Variants in YARS1 observed in about 807,000 individuals in gnomAD.
YARS1 encodes tyrosyl-tRNA synthetase 1, also known as tyrosine--tRNA ligase, cytoplasmic.
In YARS1, 36 loss-of-function variants were observed where a neutral mutation model predicts 62.2. That is an observed-to-expected ratio of 0.58 (90% CI 0.44 to 0.76). The LOEUF (loss-of-function observed/expected upper bound fraction) is 0.76. Ranked by LOEUF, YARS1 falls within the 30% of genes least tolerant of loss-of-function variation. YARS1 has a pLI of 0.00. For missense variants in YARS1, 524 were observed against 639.8 expected, an observed-to-expected ratio of 0.82 and a Z score of 1.95; for synonymous variants, 234 against 244.9, an observed-to-expected ratio of 0.96 and a Z score of 0.42.
chr1:32,787,656 C>T (rs1034288913), intron 6 of YARS1, among the ~76,000 whole-genome samples: 2 of 151,016 alleles, frequency 1.3e-5, no homozygotes, highest in Non-Finnish European at 3.0e-5. Flanking sequence ...ATTACAGGTG[C>T]CTGTCACCAC....
chr1:32,776,006 G>A lies in YARS1; in HGVS notation c.1562C>T (p.Ser521Leu), dbSNP rs1351951649. 2.5e-6 allele frequency: 4 copies of A among 1,614,120 alleles called. No individual in the cohort carries two copies. Among genetic ancestry groups the A allele is most frequent in the East Asian group, 4.5e-5 (2 of 44,882 alleles). Residue 521 changes from serine to leucine, a missense_variant, in exon 13 of 13, where the codon TCG (serine) becomes TTG (leucine). Ser to Leu is a moderately radical substitution (Grantham distance 145). Transcript: ENST00000373477. The surrounding 1 kb of genome is among the most constrained non-coding windows in gnomAD (Gnocchi z 4.0). ...MTKLGSISCK[S>L]LKGGNIS Reference sequence around the variant, plus strand: ...CTAGCTAATGTTCCCCCCTTTCAGCGATTTACAGGAAATGGAGCCCAGCTT... The same window carrying A: ...CTAGCTAATGTTCCCCCCTTTCAGCAATTTACAGGAAATGGAGCCCAGCTT...
At position 32,775,961 on chromosome 1, in the gene YARS1, G is replaced by T. The variant is rs781560790; in HGVS notation, c.*20C>A. The T allele has an allele frequency of 9.4e-6, 15 of 1,591,814 alleles. No homozygotes were observed. Among genetic ancestry groups the T allele is most frequent in the African/African-American group, 8.1e-5 (6 of 74,390 alleles). Reference sequence around the variant, plus strand: ...GCAGATGACTCAGTGGTGGAAGAAGGGGGGAAGATGCTGGGCTGGCTAGCT... The same window carrying T: ...GCAGATGACTCAGTGGTGGAAGAAGTGGGGAAGATGCTGGGCTGGCTAGCT... On this transcript the variant is annotated 3_prime_UTR_variant, in exon 13 of 13. Transcript: ENST00000373477.
intron 6 of YARS1, among the ~76,000 whole-genome samples, chr1:32,788,980 A>C (rs534287688): frequency 6.6e-6 from 1 of 152,170 alleles, no homozygotes; most frequent in Non-Finnish European, 1.5e-5. Flanking sequence ...GCATGCCACC[A>C]TGCCTAGCTA....
intron 1 of YARS1, 131 bp downstream of exon 1, chr1:32,817,057 C>G: frequency 8.5e-7 from 1 of 1,179,190 alleles, no homozygotes; most frequent in Non-Finnish European, 1.3e-6. Flanking sequence ...GTGAGATCTA[C>G]AGGCTCTCTC....
chr1:32,816,035 G>C (rs1638716472), intron 1 of YARS1, among the ~76,000 whole-genome samples: 1 of 151,590 alleles, frequency 6.6e-6, no homozygotes, highest in African/African-American at 2.4e-5. Context: ...CGTGAACCTG[G>C]GAGGCGGAGG....
chr1:32,789,278 T>C (rs1653336658), intron 6 of YARS1, among the ~76,000 whole-genome samples: 1 of 152,252 alleles, frequency 6.6e-6, no homozygotes, highest in Non-Finnish European at 1.5e-5. Context: ...TCTAGAATCA[T>C]TTCCTTAAGA....
chr1:32,785,114 C>G (rs1044975875), intron 8 of YARS1, among the ~76,000 whole-genome samples: 4 of 152,146 alleles, frequency 2.6e-5, no homozygotes, highest in Non-Finnish European at 5.9e-5. Context: ...ATCTGGGAAC[C>G]ACCTGAATCC....
At chr1:32,808,622 G>A (rs531910587) in intron 3 of YARS1, among the ~76,000 whole-genome samples, 1 of 152,286 alleles carries the variant, frequency 6.6e-6, no homozygotes, top group East Asian at 1.9e-4. Flanking sequence ...CCATGCCTGT[G>A]TTCTTCACAG....
In YARS1 at chr1:32,785,890, CTTT is replaced by C. The variant is rs11344284; in HGVS notation, c.906+469_906+471del. 8.9e-5 allele frequency among the ~76,000 whole-genome samples: 13 copies of C among 146,480 alleles called. 1 individual carries two copies. The Middle Eastern group carries it at 0.031, about 347-fold the overall frequency. On this transcript the variant is annotated intron_variant, in intron 8 of 12. Coordinates refer to ENST00000373477, the MANE Select transcript of YARS1 (RefSeq NM_003680.4). ...TGAGCTGCTGCACCCAGCCCATTTT[CTTT>C]TTTTTTTTTTTTTTTAGTATCTCAT...
intron 7 of YARS1, chr1:32,786,653 C>T (rs1653238401): frequency 2.8e-6 from 2 of 707,024 alleles, no homozygotes; most frequent in Non-Finnish European, 4.8e-6. Flanking sequence ...AGGCTTGTGG[C>T]TTATATCTAT....
intron 3 of YARS1, among the ~76,000 whole-genome samples, chr1:32,809,777 G>T (rs1284802843): frequency 2.0e-5 from 3 of 152,140 alleles, no homozygotes; most frequent in Admixed American, 2.0e-4. Context: ...CTAATAGAGC[G>T]CTATGTACTT....
chr1:32,799,190 G>T (rs1409806793), intron 4 of YARS1, among the ~76,000 whole-genome samples: 2 of 152,206 alleles, frequency 1.3e-5, no homozygotes, highest in African/African-American at 2.4e-5. Context: ...GAGGTGTGAA[G>T]TGTTTAGGGA....
At chr1:32,781,245 G>T in intron 9 of YARS1, 100 bp from the exon 10 acceptor site, 1 of 994,778 alleles carries the variant, frequency 1.0e-6, no homozygotes, top group Non-Finnish European at 1.6e-6. Context: ...AAGATTTAGT[G>T]TAGAATCCCC....
chr1:32,804,906 A>C (rs1219977054), intron 4 of YARS1, among the ~76,000 whole-genome samples: 2 of 152,058 alleles, frequency 1.3e-5, no homozygotes, highest in African/African-American at 4.8e-5. Flanking sequence ...GGTTGTAGCG[A>C]GCTGAGATCA....
At chr1:32,786,481 T>C (rs773156446) in intron 7 of YARS1, 34 bp from the exon 8 acceptor site, 16 of 1,580,248 alleles carry the variant, frequency 1.0e-5, no homozygotes, top group Middle Eastern at 1.7e-4. Context: ...AACAAACTCA[T>C]TGACAGCATT....
At chr1:32,784,305 G>A (rs1363591730) in intron 8 of YARS1, among the ~76,000 whole-genome samples, 3 of 151,596 alleles carry the variant, frequency 2.0e-5, no homozygotes, top group Admixed American at 2.0e-4. Context: ...GTGAGCCACC[G>A]CACCTGGCGT....
intron 8 of YARS1, among the ~76,000 whole-genome samples, chr1:32,785,896 T>C (rs914067312): frequency 5.9e-4 from 89 of 151,820 alleles, no homozygotes; most frequent in African/African-American, 2.0e-3. Flanking sequence ...TTTTCTTTTT[T>C]TTTTTTTTTT....
At chr1:32,807,356 C>G (rs1638487230) in intron 3 of YARS1, among the ~76,000 whole-genome samples, 1 of 152,150 alleles carries the variant, frequency 6.6e-6, no homozygotes, top group Non-Finnish European at 1.5e-5. Context: ...AAACCTGGGT[C>G]CAGTTACATT....
chr1:32,798,853 T>A (rs1344312960), intron 4 of YARS1, among the ~76,000 whole-genome samples: 2 of 151,838 alleles, frequency 1.3e-5, no homozygotes, highest in African/African-American at 4.8e-5. Context: ...AATAAATAAA[T>A]AAAACAGTGA....
Sources: allele counts gnomAD v4.1 joint callset (sites outside exome capture counted in the v4.1 genomes callset), GRCh38; gene constraint gnomAD v4.1.1; non-coding constraint Gnocchi (gnomAD v3.1); transcripts MANE v1.5; gene names NCBI Gene and HGNC (gene_info 2026-07-23, HGNC 2026-07-21).